The following KCNMA1 variants were observed in gnomAD, a reference collection of about 807,000 sequenced individuals.
KCNMA1 encodes potassium calcium-activated channel subfamily M alpha 1.
A neutral mutation model predicts 140.0 loss-of-function variants in KCNMA1; 29 were observed. That is an observed-to-expected ratio of 0.21 (90% CI 0.15 to 0.28). The LOEUF is 0.28. Ranked by LOEUF, KCNMA1 falls within the 10% of genes least tolerant of loss-of-function variation. KCNMA1 has a pLI of 1.00. For missense variants in KCNMA1, 880 were observed against 1,602.2 expected, an observed-to-expected ratio of 0.55 and a Z score of 7.70; for synonymous variants, 612 against 611.9, an observed-to-expected ratio of 1.00 and a Z score of 0.00.
chr10:77,371,986 T>C (rs775506047), intron 2 of KCNMA1, among the ~76,000 whole-genome samples: 4 of 152,202 alleles, frequency 2.6e-5, no homozygotes, highest in Admixed American at 6.5e-5. Context: ...TACCTTCACA[T>C]AGTTGGTTCT....
At chr10:77,398,922 C>T (rs1345737262) in intron 2 of KCNMA1, among the ~76,000 whole-genome samples, 2 of 152,092 alleles carry the variant, frequency 1.3e-5, no homozygotes, top group Non-Finnish European at 2.9e-5. Flanking sequence ...ATTTAATTTA[C>T]CTGACAAAAA....
chr10:77,593,227 A>G (rs2079772439), intron 1 of KCNMA1, among the ~76,000 whole-genome samples: 1 of 152,038 alleles, frequency 6.6e-6, no homozygotes, highest in African/African-American at 2.4e-5. Context: ...AGGACAGGGA[A>G]CCATAATCCA....
chr10:77,501,793 C>A (rs981110345), intron 1 of KCNMA1, among the ~76,000 whole-genome samples: 1 of 152,192 alleles, frequency 6.6e-6, no homozygotes, highest in Non-Finnish European at 1.5e-5. Context: ...CAGGCAGAGG[C>A]CTTGGGCCAC....
rs181128452 is a variant in KCNMA1, at chr10:77,273,875, C to A, written c.541-22619G>T. Among the ~76,000 whole-genome samples the A allele has an allele frequency of 1.8e-4, 27 of 152,254 alleles. No individual in the cohort carries two copies. The East Asian group carries it at 4.8e-3, about 27-fold the overall frequency. ...GAACACATGACAAAGACCCCTTATT[C>A]AGATGATATTCTAGTGGGGAAGGCA... On this transcript the variant is annotated intron_variant, in intron 2 of 27. Coordinates refer to ENST00000286628, the MANE Select transcript of KCNMA1 (RefSeq NM_001161352.2).
At chr10:77,288,043 C>T (rs764736666) in intron 2 of KCNMA1, among the ~76,000 whole-genome samples, 10 of 152,200 alleles carry the variant, frequency 6.6e-5, no homozygotes, top group South Asian at 2.1e-4. Context: ...GCTCTGCCTA[C>T]GCATGCATTC....
intron 18 of KCNMA1, among the ~76,000 whole-genome samples, chr10:77,008,818 G>C (rs555492871): frequency 5.3e-5 from 8 of 152,368 alleles, no homozygotes; most frequent in South Asian, 2.1e-4. Flanking sequence ...CCAACTTAGA[G>C]AGGGAACCAA....
chr10:76,889,331 G>A (rs1175533975), intron 27 of KCNMA1, 120 bp downstream of exon 27: 1 of 738,196 alleles, frequency 1.4e-6, no homozygotes, highest in Non-Finnish European at 2.4e-6. Flanking sequence ...TTTAATATGG[G>A]CAGAGTAATT....
chr10:77,323,841 G>A (rs2083077909), intron 2 of KCNMA1, among the ~76,000 whole-genome samples: 1 of 152,176 alleles, frequency 6.6e-6, no homozygotes, highest in South Asian at 2.1e-4. Context: ...GGGATTCAGG[G>A]ATGACAGTGT....
At chr10:77,235,269 C>A (rs116023527) in intron 3 of KCNMA1, among the ~76,000 whole-genome samples, 410 of 152,264 alleles carry the variant, frequency 2.7e-3, no homozygotes, top group African/African-American at 9.5e-3. Flanking sequence ...TGCCAGGTTG[C>A]AAGGGGGCAG....
intron 19 of KCNMA1, among the ~76,000 whole-genome samples, chr10:76,993,903 C>G (rs946161533): frequency 2.0e-5 from 3 of 152,264 alleles, no homozygotes; most frequent in Non-Finnish European, 4.4e-5. Flanking sequence ...GGGTGGCCAG[C>G]TGCTGTGCAG....
intron 5 of KCNMA1, among the ~76,000 whole-genome samples, chr10:77,181,733 A>G (rs1385462338): frequency 6.6e-6 from 1 of 152,138 alleles, no homozygotes; most frequent in Non-Finnish European, 1.5e-5. Flanking sequence ...TAAGGAGAAA[A>G]TAAGGAGGAA....
Position 76,977,406 on chromosome 10 carries a change from A to C in KCNMA1, c.2267-7339T>G, listed in dbSNP as rs572180954. The C allele has an allele frequency of 1.5e-5, 9 of 591,534 alleles. No individual in the cohort carries two copies. In the Admixed American group the frequency reaches 2.4e-4, roughly 16 times the overall value. 36.6% of individuals were successfully genotyped at this position (591,534 alleles called of 1,614,324 possible). On this transcript the variant is annotated intron_variant, in intron 19 of 27. Coordinates refer to ENST00000286628, the MANE Select transcript of KCNMA1 (RefSeq NM_001161352.2). ...AAAGATATGAAATTTGGTGGCTATA[A>C]ATAAAATTTTATCAGACCATAGCCA... is the stretch of plus-strand genomic sequence containing the variant.
chr10:77,510,924 T>C (rs2048152388), intron 1 of KCNMA1, among the ~76,000 whole-genome samples: 1 of 152,174 alleles, frequency 6.6e-6, no homozygotes, highest in Non-Finnish European at 1.5e-5. Flanking sequence ...GGAAATAACA[T>C]ATCTCCAACA....
chr10:77,216,622 T>C (rs2047869867), intron 3 of KCNMA1, among the ~76,000 whole-genome samples: 2 of 152,210 alleles, frequency 1.3e-5, no homozygotes, highest in African/African-American at 4.8e-5. Flanking sequence ...TATCTTAGAA[T>C]TAGTAAAATA....
intron 19 of KCNMA1, among the ~76,000 whole-genome samples, chr10:76,987,675 G>T (rs566795512): frequency 6.6e-6 from 1 of 152,324 alleles, no homozygotes; most frequent in East Asian, 1.9e-4. Flanking sequence ...GAGAGGAAAA[G>T]AATCACAGTC....
rs1451223322 is a variant in KCNMA1, at chr10:76,884,954, G to A, written c.*2312C>T. 1.3e-6 allele frequency: 2 copies of A among 1,534,712 alleles called. No homozygotes were observed. Among genetic ancestry groups the A allele is most frequent in the East Asian group, 5.0e-5 (2 of 40,098 alleles). On this transcript the variant is annotated 3_prime_UTR_variant, in exon 28 of 28. Coordinates refer to ENST00000286628, the MANE Select transcript of KCNMA1 (RefSeq NM_001161352.2). ...ACGTTATAGAAGAAAACCCCCAGCAGTGGCTAGGTCATGCAGAACCATTAA... is the reference window on the plus strand; with the variant it reads ...ACGTTATAGAAGAAAACCCCCAGCAATGGCTAGGTCATGCAGAACCATTAA...
At chr10:77,381,587 A>C (rs958858140) in intron 2 of KCNMA1, among the ~76,000 whole-genome samples, 1 of 152,184 alleles carries the variant, frequency 6.6e-6, no homozygotes, top group Non-Finnish European at 1.5e-5. Flanking sequence ...AATTTGAATT[A>C]ACACTAGAGC....
At chr10:77,582,874 G>A (rs1229176757) in intron 1 of KCNMA1, among the ~76,000 whole-genome samples, 2 of 152,222 alleles carry the variant, frequency 1.3e-5, no homozygotes, top group Non-Finnish European at 2.9e-5. Flanking sequence ...CCAAGGCATG[G>A]GGCAAGCCAC....
intron 5 of KCNMA1, among the ~76,000 whole-genome samples, chr10:77,174,792 T>C (rs1380589325): frequency 6.6e-6 from 1 of 152,250 alleles, no homozygotes; most frequent in Admixed American, 6.5e-5. Flanking sequence ...CAAGATCTCC[T>C]GGTGCTTCTC....
Sources: gnomAD v4.1 joint callset for allele counts (sites outside exome capture counted in the v4.1 genomes callset) on GRCh38, gnomAD v4.1.1 for gene constraint, MANE v1.5 for transcripts, NCBI Gene and HGNC (gene_info 2026-07-23, HGNC 2026-07-21) for gene names.